Variants in FOXN3 observed in about 807,000 individuals in gnomAD.
FOXN3 encodes the protein forkhead box N3.
In FOXN3, 7 loss-of-function variants were observed where a neutral mutation model predicts 38.4. That is an observed-to-expected ratio of 0.18 (90% CI 0.10 to 0.34). FOXN3 has a LOEUF of 0.34. Among genes scored for constraint, FOXN3 ranks in the 10% least tolerant of loss-of-function variants. The pLI is 1.00. For missense variants in FOXN3, 456 were observed against 613.4 expected (o/e 0.74, Z 2.71); for synonymous variants, 230 against 242.2 (o/e 0.95, Z 0.47).
At chr14:89,291,753 C>T (rs183389695) in intron 3 of FOXN3, among the ~76,000 whole-genome samples, 23 of 152,346 alleles carry the variant, frequency 1.5e-4, no homozygotes, top group Admixed American at 1.2e-3. Flanking sequence ...ATTCCTTGAA[C>T]GTGTTTGCGA....
intron 4 of FOXN3, among the ~76,000 whole-genome samples, chr14:89,188,509 G>A (rs935525014): frequency 6.6e-6 from 1 of 152,194 alleles, no homozygotes; most frequent in Non-Finnish European, 1.5e-5. Flanking sequence ...TTGGTGATGA[G>A]GTCCCAGAAG....
chr14:89,204,258 C>T (rs1271678606), intron 4 of FOXN3, among the ~76,000 whole-genome samples: 2 of 152,158 alleles, frequency 1.3e-5, no homozygotes, highest in East Asian at 3.9e-4. Context: ...CACTGAGAGC[C>T]ACTCCCATCT....
chr14:89,363,975 T>TATA (rs1555421741), intron 2 of FOXN3, among the ~76,000 whole-genome samples: 1 of 81,788 alleles, frequency 1.2e-5, no homozygotes, highest in Non-Finnish European at 2.5e-5. Context: ...TATATATATA[T>TATA]ATATATATAT....
intron 4 of FOXN3, among the ~76,000 whole-genome samples, chr14:89,192,664 TTA>T (rs1490811357): frequency 1.4e-5 from 2 of 141,988 alleles, no homozygotes; most frequent in East Asian, 2.0e-4. Context: ...ATATATACTA[TTA>T]TATATAATAG....
At position 89,411,886 on chromosome 14, in the gene FOXN3, AT is replaced by A. The variant is rs1273294397; in HGVS notation, c.543+47del. The A allele has an allele frequency of 3.3e-6, 4 of 1,228,444 alleles. No homozygotes were observed. In the African/African-American group the frequency reaches 6.3e-5, roughly 19 times the overall value. 76.1% of individuals were successfully genotyped at this position (1,228,444 alleles called of 1,614,324 possible). A position where few individuals can be genotyped will look rare whatever the true frequency, so the allele number is the denominator to read the frequency against. On this transcript the variant is annotated intron_variant, in intron 2 of 5. Coordinates refer to ENST00000557258, the MANE Select transcript of FOXN3 (RefSeq NM_005197.4). ...CATTTTTAATAGAGAAAAATTTTAAATTAAAAAAAAAAAAAGAAAACCTTGG... is the reference window on the plus strand; with the variant it reads ...CATTTTTAATAGAGAAAAATTTTAAATAAAAAAAAAAAAAGAAAACCTTGG...
At chr14:89,611,327 A>C (rs1219128558) in intron 1 of FOXN3, among the ~76,000 whole-genome samples, 1 of 152,240 alleles carries the variant, frequency 6.6e-6, no homozygotes, top group African/African-American at 2.4e-5. Flanking sequence ...TGAGCCGTTC[A>C]GACCAAGTGT....
At chr14:89,564,524 G>A (rs1895310647) in intron 1 of FOXN3, among the ~76,000 whole-genome samples, 1 of 152,164 alleles carries the variant, frequency 6.6e-6, no homozygotes, top group South Asian at 2.1e-4. Context: ...CACTTGACAG[G>A]AAAAGCATAA....
chr14:89,204,294 C>A (rs115273961), intron 4 of FOXN3, among the ~76,000 whole-genome samples: 3 of 152,274 alleles, frequency 2.0e-5, no homozygotes, highest in Admixed American at 1.3e-4. Flanking sequence ...ACACTCTTCA[C>A]GGGAAATGAT....
At chr14:89,464,784 A>T (rs8003585) in intron 1 of FOXN3, among the ~76,000 whole-genome samples, 23 of 151,596 alleles carry the variant, frequency 1.5e-4, no homozygotes, top group African/African-American at 5.3e-4. Flanking sequence ...TGCAACCTCC[A>T]CCTCCGGGGC....
At chr14:89,177,616 G>A (rs1201434017) in intron 5 of FOXN3, among the ~76,000 whole-genome samples, 7 of 152,150 alleles carry the variant, frequency 4.6e-5, no homozygotes, top group Non-Finnish European at 8.8e-5. Flanking sequence ...ACCAGGGGGT[G>A]CCATAGAGAG....
At chr14:89,501,528 G>T (rs1272834171) in intron 1 of FOXN3, among the ~76,000 whole-genome samples, 4 of 152,150 alleles carry the variant, frequency 2.6e-5, no homozygotes, top group Admixed American at 2.6e-4. Context: ...GGAACGAGGA[G>T]AAAGGATATG....
intron 1 of FOXN3, among the ~76,000 whole-genome samples, chr14:89,481,994 C>T (rs768053623): frequency 6.6e-6 from 1 of 152,174 alleles, no homozygotes; most frequent in African/African-American, 2.4e-5. Flanking sequence ...CTAGCCCATA[C>T]CATTCAAGAC....
chr14:89,447,877 G>C (rs1021599324), intron 1 of FOXN3, among the ~76,000 whole-genome samples: 21 of 124,914 alleles, frequency 1.7e-4, no homozygotes, highest in African/African-American at 5.9e-4. Flanking sequence ...GAGTGCAATG[G>C]CACCATCTCG....
At chr14:89,249,756 G>C (rs1391612691) in intron 4 of FOXN3, among the ~76,000 whole-genome samples, 3 of 152,154 alleles carry the variant, frequency 2.0e-5, no homozygotes, top group Admixed American at 6.5e-5. Context: ...GACTACAACA[G>C]GAACTTGGAG....
chr14:89,522,418 C>T (rs1331894971), intron 1 of FOXN3, among the ~76,000 whole-genome samples: 1 of 152,080 alleles, frequency 6.6e-6, no homozygotes, highest in African/African-American at 2.4e-5. Flanking sequence ...TCTGCGTGTA[C>T]ACAAAAGAAT....
chr14:89,465,337 C>T (rs1013753798), intron 1 of FOXN3, among the ~76,000 whole-genome samples: 1 of 152,202 alleles, frequency 6.6e-6, no homozygotes, highest in African/African-American at 2.4e-5. Context: ...TCAAGCGATT[C>T]TCCTGCCTCA....
At chr14:89,528,376 C>CTTTTTTTTTTTTTTTTTTTTTTTTTT (rs55935162) in intron 1 of FOXN3, among the ~76,000 whole-genome samples, 3 of 53,550 alleles carry the variant, frequency 5.6e-5, no homozygotes. Context: ...ATGGATGAAT[C>CTTTTTTTTTTTTTTTTTTTTTTTTTT]TTTTTTTTTT....
At chr14:89,371,819 T>TATCAAA (rs1436272780) in intron 2 of FOXN3, among the ~76,000 whole-genome samples, 4 of 152,130 alleles carry the variant, frequency 2.6e-5, no homozygotes, top group Non-Finnish European at 5.9e-5. Context: ...TGCACCCTGC[T>TATCAAA]ATCAAAGACC....
At chr14:89,323,497 G>C (rs1887954175) in intron 3 of FOXN3, among the ~76,000 whole-genome samples, 1 of 151,854 alleles carries the variant, frequency 6.6e-6, no homozygotes, top group African/African-American at 2.4e-5. Context: ...AAGGTGGGTG[G>C]ATCACGAGGT....
Sources: gnomAD v4.1 joint callset for allele counts (sites outside exome capture counted in the v4.1 genomes callset) on GRCh38, gnomAD v4.1.1 for gene constraint, MANE v1.5 for transcripts, NCBI Gene and HGNC (gene_info 2026-07-23, HGNC 2026-07-21) for gene names.